ATP10A: variants seen among roughly 807,000 people sequenced by gnomAD.
The protein encoded by ATP10A is ATPase phospholipid transporting 10A (putative).
ATP10A carries 111 observed loss-of-function variants against 147.8 expected under a neutral mutation model. That is an observed-to-expected ratio of 0.75 (90% CI 0.64 to 0.88). ATP10A has a LOEUF of 0.88. Among genes scored for constraint, ATP10A ranks in the 40% least tolerant of loss-of-function variants. The pLI, the probability that ATP10A is intolerant of heterozygous loss-of-function variation, is 0.00. For synonymous variants in ATP10A, 875 were observed against 841.6 expected (o/e 1.04, Z -0.69); for missense variants, 1,927 against 1,959.0 (o/e 0.98, Z 0.31).
chr15:25,839,227 G>C (rs1892708741), intron 1 of ATP10A, among the ~76,000 whole-genome samples: 1 of 152,156 alleles, frequency 6.6e-6, no homozygotes, highest in Non-Finnish European at 1.5e-5. Flanking sequence ...ATGTGCGTCG[G>C]CGCATCCCTG....
intron 1 of ATP10A, 111 bp downstream of exon 1, chr15:25,862,537 G>T: frequency 7.9e-7 from 1 of 1,264,238 alleles, no homozygotes; most frequent in South Asian, 1.5e-5. Flanking sequence ...ACCCTGAGTG[G>T]AGCTGCCTTC....
chr15:25,832,729 A>C (rs1031232763), intron 1 of ATP10A, among the ~76,000 whole-genome samples: 14 of 152,146 alleles, frequency 9.2e-5, no homozygotes, highest in African/African-American at 3.4e-4. Flanking sequence ...GCTGGAGAGG[A>C]GGGATAAGTT....
chr15:25,821,404 A>C (rs891805148), intron 1 of ATP10A, among the ~76,000 whole-genome samples: 1 of 129,080 alleles, frequency 7.7e-6, no homozygotes, highest in African/African-American at 3.5e-5. Context: ...AAAAACAAAA[A>C]AAAAAACAAA....
At chr15:25,752,771 A>G (rs1312502283) in intron 2 of ATP10A, among the ~76,000 whole-genome samples, 1 of 152,172 alleles carries the variant, frequency 6.6e-6, no homozygotes, top group Non-Finnish European at 1.5e-5. Flanking sequence ...TCCTAACACT[A>G]TGAAATTTGC....
At chr15:25,808,706 A>G (rs1338442157) in intron 1 of ATP10A, among the ~76,000 whole-genome samples, 1 of 152,160 alleles carries the variant, frequency 6.6e-6, no homozygotes, top group Non-Finnish European at 1.5e-5. Context: ...ATAAGTAACT[A>G]CTGATTCCCA....
rs1318318514 is a variant in ATP10A at position 25,741,365 on chromosome 15, C to T, written c.655-5224G>A. ...CCTGCCGCACCATCTCCCAAGAGGG[C>T]CTGCTGAGGCGTCTCTGTGGTTCCA... On this transcript the variant is annotated intron_variant, in intron 2 of 20. Transcript: ENST00000555815. 3.3e-5 allele frequency among the ~76,000 whole-genome samples: 5 copies of T among 152,166 alleles called. No homozygotes were observed. The East Asian group carries it at 9.7e-4, about 29-fold the overall frequency.
intron 2 of ATP10A, among the ~76,000 whole-genome samples, chr15:25,776,102 T>G (rs1889592507): frequency 6.6e-6 from 1 of 152,216 alleles, no homozygotes; most frequent in African/African-American, 2.4e-5. Flanking sequence ...GAATTAAAAC[T>G]TACAAAAATG....
intron 3 of ATP10A, among the ~76,000 whole-genome samples, chr15:25,728,550 C>A (rs375100947): frequency 1.3e-5 from 2 of 152,218 alleles, no homozygotes; most frequent in Non-Finnish European, 2.9e-5. Flanking sequence ...CCCTGCTCTG[C>A]GCTTGTGGAG....
At chr15:25,844,462 A>AT (rs1892932316) in intron 1 of ATP10A, among the ~76,000 whole-genome samples, 3 of 152,252 alleles carry the variant, frequency 2.0e-5, no homozygotes, top group Admixed American at 2.0e-4. Context: ...TTATGATGTC[A>AT]TATTTTAAAA....
At chr15:25,787,634 GAAAGAA>G (rs1288674948) in intron 1 of ATP10A, among the ~76,000 whole-genome samples, 1 of 147,948 alleles carries the variant, frequency 6.8e-6, no homozygotes, top group Non-Finnish European at 1.5e-5. Context: ...AAAAAAAGAA[GAAAGAA>G]AAAGAAAAAG....
intron 1 of ATP10A, among the ~76,000 whole-genome samples, chr15:25,857,944 A>C (rs551636694): frequency 8.6e-5 from 13 of 151,878 alleles, no homozygotes; most frequent in African/African-American, 2.9e-4. Context: ...GGAATTGTGC[A>C]TATAGAACAT....
chr15:25,748,624 ACTGGAGT>A (rs1016312316), intron 2 of ATP10A, among the ~76,000 whole-genome samples: 3 of 152,120 alleles, frequency 2.0e-5, no homozygotes, highest in African/African-American at 7.2e-5. Context: ...TTAGAACTGT[ACTGGAGT>A]CCTTGCCACT....
chr15:25,736,258 T>G, intron 2 of ATP10A, 117 bp from the exon 3 acceptor site: 1 of 756,200 alleles, frequency 1.3e-6, no homozygotes, highest in Non-Finnish European at 2.3e-6. Flanking sequence ...GGAAGAACTC[T>G]GCCTATGAAT....
intron 10 of ATP10A, among the ~76,000 whole-genome samples, chr15:25,711,495 G>A (rs374125712): frequency 4.1e-4 from 63 of 152,162 alleles, no homozygotes; most frequent in Non-Finnish European, 8.4e-4. Context: ...TCCTGTAGTC[G>A]TTCTCTTGGG....
chr15:25,725,318 T>C (rs944577029), intron 5 of ATP10A, among the ~76,000 whole-genome samples: 2 of 152,098 alleles, frequency 1.3e-5, no homozygotes, highest in Non-Finnish European at 2.9e-5. Context: ...GCCAAAAAGG[T>C]TGGGGACTGC....
intron 1 of ATP10A, among the ~76,000 whole-genome samples, chr15:25,854,710 ATTC>A (rs1893433441): frequency 6.6e-6 from 1 of 152,232 alleles, no homozygotes; most frequent in African/African-American, 2.4e-5. Context: ...TCCATGTTGA[ATTC>A]TTCCAAGGAT....
chr15:25,715,978 G>A (rs568718687), intron 9 of ATP10A, among the ~76,000 whole-genome samples: 4 of 152,344 alleles, frequency 2.6e-5, no homozygotes, highest in African/African-American at 9.6e-5. Flanking sequence ...GGTGCACTGG[G>A]TGATAGAGGA....
chr15:25,724,124 G>T, intron 5 of ATP10A, 103 bp from the exon 6 acceptor site: 1 of 1,243,222 alleles, frequency 8.0e-7, no homozygotes, highest in Non-Finnish European at 1.1e-6. Flanking sequence ...CCTGATGCAA[G>T]CACATTTGGT....
intron 13 of ATP10A, among the ~76,000 whole-genome samples, chr15:25,699,815 T>C (rs187154119): frequency 3.6e-3 from 551 of 152,120 alleles, no homozygotes; most frequent in Non-Finnish European, 6.1e-3. Flanking sequence ...CTGTAATGAG[T>C]TGCGATGGCA....
Sources: gnomAD v4.1 joint callset for allele counts (sites outside exome capture counted in the v4.1 genomes callset) on GRCh38, gnomAD v4.1.1 for gene constraint, MANE v1.5 for transcripts, NCBI Gene and HGNC (gene_info 2026-07-23, HGNC 2026-07-21) for gene names.